GRM5: variants seen among roughly 807,000 people sequenced by gnomAD.
The protein encoded by GRM5 is glutamate metabotropic receptor 5.
Under a neutral mutation model 83.1 loss-of-function variants are expected in GRM5, and 19 were observed. The ratio of observed to expected loss-of-function variants is 0.23; its 90% CI spans 0.16 to 0.34. The LOEUF (loss-of-function observed/expected upper bound fraction) is 0.34, where lower values mean the gene tolerates loss of function less well. GRM5 is among the 10% of genes least tolerant of loss of function. GRM5 has a pLI of 1.00. For synonymous variants in GRM5, 675 were observed against 633.6 expected, an observed-to-expected ratio of 1.07 and a Z score of -0.98; for missense variants, 1,160 against 1,588.3, an observed-to-expected ratio of 0.73 and a Z score of 4.58.
At chr11:88,531,753 C>T (rs537458795) in intron 8 of GRM5, among the ~76,000 whole-genome samples, 23 of 152,240 alleles carry the variant, frequency 1.5e-4, no homozygotes, top group Admixed American at 4.6e-4. Flanking sequence ...TCCCTTACTC[C>T]AGTTTTGTCA....
At position 88,509,137 on chromosome 11, in the gene GRM5, C is replaced by G. The variant is rs1380166020; in HGVS notation, c.3094G>C (p.Ala1032Pro). Residue 1032 changes from alanine to proline, a missense_variant, in exon 10 of 10, where the codon GCC becomes CCC. Transcript: ENST00000305447. ...ISTLSHRAGS[A>P]SRTDDDVPSL... ...GGCACATCGTCGTCCGTGCGGCTGG[C>G]CGAGCCCGCGCGGTGGCTCAGCGTG... 2 of 1,541,220 alleles carry G rather than the reference C, an allele frequency of 1.3e-6. No homozygotes were observed. The highest frequency in any genetic ancestry group is 2.8e-5 in the African/African-American group (2 of 72,176).
At chr11:88,994,454 T>C (rs1419903359) in intron 2 of GRM5, among the ~76,000 whole-genome samples, 20 of 112,586 alleles carry the variant, frequency 1.8e-4, no homozygotes, top group African/African-American at 8.1e-4. Flanking sequence ...ATTATATATA[T>C]ATATATATAT....
At chr11:88,762,567 A>G (rs1381628735) in intron 3 of GRM5, among the ~76,000 whole-genome samples, 1 of 151,984 alleles carries the variant, frequency 6.6e-6, no homozygotes, top group East Asian at 1.9e-4. Flanking sequence ...GGGGAAACTT[A>G]TACACTGTTG....
intron 3 of GRM5, among the ~76,000 whole-genome samples, chr11:88,824,695 T>A (rs907834885): frequency 1.3e-5 from 2 of 152,040 alleles, no homozygotes; most frequent in African/African-American, 4.8e-5. Context: ...TCAAGTAGAA[T>A]GCTCACTTGC....
intron 3 of GRM5, among the ~76,000 whole-genome samples, chr11:88,840,506 T>C (rs377593146): frequency 2.6e-5 from 4 of 152,310 alleles, no homozygotes; most frequent in African/African-American, 9.6e-5. Context: ...CATGATCTCA[T>C]GATTTCCTTG....
intron 2 of GRM5, among the ~76,000 whole-genome samples, chr11:88,967,036 C>G (rs898947936): frequency 1.3e-5 from 2 of 151,886 alleles, no homozygotes; most frequent in African/African-American, 4.8e-5. Flanking sequence ...TACACCCTAT[C>G]GGGCATAGTA....
At chr11:88,687,537 TACACACACACACA>T (rs1565187010) in intron 3 of GRM5, among the ~76,000 whole-genome samples, 30 of 51,052 alleles carry the variant, frequency 5.9e-4, no homozygotes, top group East Asian at 2.3e-3. Flanking sequence ...TACATATATA[TACACACACACACA>T]CACATATATA....
chr11:88,717,202 T>C (rs1166411989), intron 3 of GRM5, among the ~76,000 whole-genome samples: 1 of 151,904 alleles, frequency 6.6e-6, no homozygotes, highest in Non-Finnish European at 1.5e-5. Context: ...ATCAATATAA[T>C]GGCCATTGAG....
chr11:88,736,653 C>G (rs1941920449), intron 3 of GRM5, among the ~76,000 whole-genome samples: 1 of 152,038 alleles, frequency 6.6e-6, no homozygotes, highest in African/African-American at 2.4e-5. Context: ...ATGGTGCCTC[C>G]AGCTGGTCTA....
At chr11:88,673,909 C>T (rs1385118234) in intron 3 of GRM5, among the ~76,000 whole-genome samples, 29 of 148,742 alleles carry the variant, frequency 1.9e-4, no homozygotes, top group African/African-American at 7.1e-4. Flanking sequence ...AAAAAACAAA[C>T]ATACTCTAGA....
chr11:88,715,754 T>C (rs564231069), intron 3 of GRM5, among the ~76,000 whole-genome samples: 2 of 152,134 alleles, frequency 1.3e-5, no homozygotes, highest in South Asian at 4.2e-4. Context: ...AAGGAAGATA[T>C]AGTGGAGAAA....
intron 3 of GRM5, among the ~76,000 whole-genome samples, chr11:88,753,974 C>T (rs1034354443): frequency 2.6e-5 from 4 of 152,078 alleles, no homozygotes; most frequent in Non-Finnish European, 4.4e-5. Context: ...GAAAGACCTG[C>T]CCCCATGATT....
chr11:88,535,363 C>T (rs1382491956), intron 8 of GRM5, among the ~76,000 whole-genome samples: 1 of 152,138 alleles, frequency 6.6e-6, no homozygotes, highest in Non-Finnish European at 1.5e-5. Flanking sequence ...CACTGGAAAA[C>T]ATAGTCTCTT....
At chr11:88,947,149 GAAAAA>G (rs958703396) in intron 2 of GRM5, among the ~76,000 whole-genome samples, 1 of 151,614 alleles carries the variant, frequency 6.6e-6, no homozygotes, top group East Asian at 1.9e-4. Context: ...TGAGAATTGT[GAAAAA>G]AAAGATTCCC....
intron 3 of GRM5, among the ~76,000 whole-genome samples, chr11:88,831,883 T>C (rs933420947): frequency 5.3e-5 from 8 of 152,224 alleles, no homozygotes; most frequent in African/African-American, 1.9e-4. Context: ...CTGAGCAAGC[T>C]GTCTGGAGGC....
intron 3 of GRM5, among the ~76,000 whole-genome samples, chr11:88,656,132 A>ATATTCTTGTACTGC (rs11271068): frequency 6.6e-6 from 1 of 152,100 alleles, no homozygotes; most frequent in African/African-American, 2.4e-5. Flanking sequence ...TGGACCTTCA[A>ATATTCTTGTACTGC]TTTAATTTTT....
At chr11:88,601,426 T>A (rs1937993341) in intron 5 of GRM5, among the ~76,000 whole-genome samples, 1 of 152,118 alleles carries the variant, frequency 6.6e-6, no homozygotes, top group African/African-American at 2.4e-5. Context: ...TCTCTCTCTT[T>A]TGTTCTTTCT....
At chr11:88,874,955 T>G (rs1449946224) in intron 2 of GRM5, among the ~76,000 whole-genome samples, 5 of 151,974 alleles carry the variant, frequency 3.3e-5, no homozygotes, top group African/African-American at 1.2e-4. Context: ...GGCATAATGT[T>G]TTTGCTGATA....
chr11:88,788,081 T>C (rs1342518956), intron 3 of GRM5, among the ~76,000 whole-genome samples: 1 of 152,192 alleles, frequency 6.6e-6, no homozygotes, highest in Non-Finnish European at 1.5e-5. Flanking sequence ...TATATCCTGC[T>C]GGGCTTACCA....
Sources: gnomAD v4.1 joint callset for allele counts (sites outside exome capture counted in the v4.1 genomes callset) on GRCh38, gnomAD v4.1.1 for gene constraint, MANE v1.5 for transcripts, NCBI Gene and HGNC (gene_info 2026-07-23, HGNC 2026-07-21) for gene names.